CRB1: variants seen among roughly 807,000 people sequenced by gnomAD.
CRB1 encodes crumbs cell polarity complex component 1, also known as protein crumbs homolog 1.
CRB1 carries 83 observed loss-of-function variants against 120.0 expected under a neutral mutation model. The ratio of observed to expected loss-of-function variants is 0.69; its 90% CI spans 0.58 to 0.83. The LOEUF is 0.83. Among genes scored for constraint, CRB1 ranks in the 40% least tolerant of loss-of-function variants. CRB1 has a pLI of 0.00. For synonymous variants in CRB1, 625 were observed against 612.5 expected, an observed-to-expected ratio of 1.02 and a Z score of -0.30; for missense variants, 1,699 against 1,687.6, an observed-to-expected ratio of 1.01 and a Z score of -0.12.
chr1:197,305,793 G>A (rs1657133017), intron 1 of CRB1, among the ~76,000 whole-genome samples: 1 of 151,344 alleles, frequency 6.6e-6, no homozygotes. Context: ...ATTGCAAGGA[G>A]TTCTTGCAAT....
intron 1 of CRB1, among the ~76,000 whole-genome samples, chr1:197,302,895 A>T (rs2125256668): frequency 6.6e-6 from 1 of 152,332 alleles, no homozygotes. Flanking sequence ...GAAGGGAAGT[A>T]AGAAGGTATG....
the CRB1 span, among the ~76,000 whole-genome samples, chr1:197,245,112 C>T: frequency 6.6e-6 from 1 of 151,936 alleles, no homozygotes; most frequent in Non-Finnish European, 1.5e-5. Context: ...GCACAACGTG[C>T]AGGCTTGTTA....
intron 1 of CRB1, among the ~76,000 whole-genome samples, chr1:197,294,358 A>G (rs903983948): frequency 6.6e-6 from 1 of 152,196 alleles, no homozygotes; most frequent in Admixed American, 6.5e-5. Flanking sequence ...AATCAAAACC[A>G]TAATGAGATA....
At chr1:197,232,455 G>A in the CRB1 span, among the ~76,000 whole-genome samples, 2 of 152,074 alleles carry the variant, frequency 1.3e-5, no homozygotes, top group African/African-American at 4.8e-5. Context: ...CAAGGTTTGA[G>A]TGGTAGTCAG....
intron 5 of CRB1, chr1:197,357,243 T>C (rs61034691): frequency 0.089 from 53,285 of 598,886 alleles, 3,257 homozygotes; most frequent in African/African-American, 0.21. Flanking sequence ...AGGGATGACA[T>C]TTTTATATGC....
At chr1:197,309,816 T>C (rs1249057609) in intron 1 of CRB1, among the ~76,000 whole-genome samples, 1 of 151,680 alleles carries the variant, frequency 6.6e-6, no homozygotes, top group Non-Finnish European at 1.5e-5. Context: ...GTACTGTAGT[T>C]GTTCAAGATG....
intron 4 of CRB1, among the ~76,000 whole-genome samples, chr1:197,354,838 G>A (rs79186800): frequency 1.3e-4 from 2 of 14,962 alleles, no homozygotes; most frequent in Non-Finnish European, 2.3e-4. Context: ...CCCCCCCCCC[G>A]CCCACCCCCC....
intron 5 of CRB1, among the ~76,000 whole-genome samples, chr1:197,403,777 T>C (rs896860503): frequency 3.9e-5 from 6 of 151,994 alleles, no homozygotes; most frequent in Admixed American, 6.6e-5. Context: ...TTTCTCTTTC[T>C]CTCTCTCTCC....
chr1:197,349,179 A>G (rs113014813), intron 4 of CRB1, among the ~76,000 whole-genome samples: 25,007 of 152,168 alleles, frequency 0.16, 3,251 homozygotes, highest in African/African-American at 0.35. Flanking sequence ...AATTGCCTAC[A>G]GTATTCAGTA....
intron 1 of CRB1, among the ~76,000 whole-genome samples, chr1:197,289,877 A>G (rs1032763193): frequency 6.6e-6 from 1 of 151,608 alleles, no homozygotes; most frequent in Non-Finnish European, 1.5e-5. Context: ...ATAAAGATAT[A>G]TATCTTACAT....
At chr1:197,286,160 CT>C (rs1050520487) in intron 1 of CRB1, among the ~76,000 whole-genome samples, 3 of 151,806 alleles carry the variant, frequency 2.0e-5, no homozygotes, top group African/African-American at 7.3e-5. Flanking sequence ...AGAGATTTTT[CT>C]TTTCCTTCAT....
At chr1:197,230,034 G>A in the CRB1 span, among the ~76,000 whole-genome samples, 2 of 152,122 alleles carry the variant, frequency 1.3e-5, no homozygotes, top group Non-Finnish European at 2.9e-5. Flanking sequence ...ACTACACTAA[G>A]TGCATTATAT....
chr1:197,227,381 T>C, the CRB1 span, among the ~76,000 whole-genome samples: 1 of 151,238 alleles, frequency 6.6e-6, no homozygotes, highest in Non-Finnish European at 1.5e-5. Flanking sequence ...GTCAAATTCT[T>C]TTTTTCTTTT....
At chr1:197,415,640 T>TG (rs1663948497) in intron 5 of CRB1, among the ~76,000 whole-genome samples, 1 of 104,500 alleles carries the variant, frequency 9.6e-6, no homozygotes, top group African/African-American at 5.3e-5. Flanking sequence ...TTTTTTCTTT[T>TG]CTTTTTTTTT....
intron 4 of CRB1, among the ~76,000 whole-genome samples, chr1:197,349,227 T>C (rs569519839): frequency 3.3e-5 from 5 of 152,324 alleles, no homozygotes; most frequent in South Asian, 2.1e-4. Context: ...CTAGCAGCAA[T>C]AGACTATACC....
chr1:197,421,590 A>G lies in CRB1; in HGVS notation c.1762A>G (p.Lys588Glu), dbSNP rs1664324379. The G allele has an allele frequency of 5.0e-6, 8 of 1,614,222 alleles. No individual in the cohort carries two copies. Among genetic ancestry groups the G allele is most frequent in the Non-Finnish European group, 5.9e-6 (7 of 1,180,044 alleles). The change falls in exon 6 of 12, where the codon AAG (lysine) becomes GAG (glutamate). Residue 588 changes from lysine to glutamate, a missense_variant. Transcript: ENST00000367400. Reference protein sequence around the residue: ...VTLTLIDDSCKEKCIAKAPTP... With the variant: ...VTLTLIDDSCEEKCIAKAPTP... ...CCTTACCTTAATCGACGACTCCTGT[A>G]AGGAGAAATGCATCGCGAAAGCTCC...
the CRB1 span, among the ~76,000 whole-genome samples, chr1:197,238,572 G>A: frequency 6.4e-3 from 971 of 152,186 alleles, 8 homozygotes; most frequent in Middle Eastern, 0.017. Flanking sequence ...TAGACCAGTT[G>A]CAGTGGCTCA....
intron 1 of CRB1, among the ~76,000 whole-genome samples, chr1:197,311,724 T>C (rs1341810705): frequency 6.6e-6 from 1 of 151,318 alleles, no homozygotes; most frequent in Non-Finnish European, 1.5e-5. Flanking sequence ...TGTGTGTGTG[T>C]GTGTGTGTGT....
the CRB1 span, among the ~76,000 whole-genome samples, chr1:197,252,882 GT>G: frequency 1.3e-5 from 2 of 151,682 alleles, no homozygotes; most frequent in East Asian, 3.9e-4. Context: ...GTCTTGTTCT[GT>G]TTGGGTTCTC....
Sources: allele counts gnomAD v4.1 joint callset (sites outside exome capture counted in the v4.1 genomes callset), GRCh38; gene constraint gnomAD v4.1.1; transcripts MANE v1.5; gene names NCBI Gene and HGNC (gene_info 2026-07-23, HGNC 2026-07-21).